The following HIBCH variants were observed in gnomAD, a reference collection of about 807,000 sequenced individuals.
HIBCH encodes 3-hydroxyisobutyryl-CoA hydrolase.
A neutral mutation model predicts 58.2 loss-of-function variants in HIBCH; 50 were observed. The ratio of observed to expected loss-of-function variants is 0.86; its 90% CI spans 0.68 to 1.09. HIBCH has a LOEUF of 1.09. Ranked by LOEUF, HIBCH falls within the 50% of genes least tolerant of loss-of-function variation. The pLI, the probability that HIBCH is intolerant of heterozygous loss-of-function variation, is 0.00. For synonymous variants in HIBCH, 151 were observed against 146.9 expected, an observed-to-expected ratio of 1.03 and a Z score of -0.20; for missense variants, 450 against 449.7, an observed-to-expected ratio of 1.00 and a Z score of -0.01.
chr2:190,195,454 TTC>T (rs1689924717), intron 1 of HIBCH, among the ~76,000 whole-genome samples: 2 of 152,134 alleles, frequency 1.3e-5, no homozygotes, highest in African/African-American at 4.8e-5. Context: ...TGAATGAGAG[TTC>T]TGTTGCTTTT....
rs568237644 is a variant in HIBCH at position 190,301,153 on chromosome 2, G to A, written c.79-4200C>T. Among the ~76,000 whole-genome samples the A allele has an allele frequency of 4.6e-5, 7 of 152,298 alleles. No homozygotes were observed. In the South Asian group the frequency reaches 1.2e-3, roughly 27 times the overall value. ...GAACCCAACCAGGCTAGGATGACTGGAGCCAGAGGTGCTGGCTCAGGAGGG... is the reference window on the plus strand; with the variant it reads ...GAACCCAACCAGGCTAGGATGACTGAAGCCAGAGGTGCTGGCTCAGGAGGG... On this transcript the variant is annotated intron_variant, in intron 2 of 13. Transcript: ENST00000359678.
chr2:190,230,449 C>T (rs1423837146), intron 11 of HIBCH, among the ~76,000 whole-genome samples: 1 of 152,232 alleles, frequency 6.6e-6, no homozygotes, highest in African/African-American at 2.4e-5. Flanking sequence ...GTAATCCCAG[C>T]ACTTTGGGAG....
rs1414666810 is a variant in HIBCH, at chr2:190,304,405, G to A, written c.78+6349C>T. Among the ~76,000 whole-genome samples, 1 of 152,182 alleles carries A rather than the reference G, an allele frequency of 6.6e-6. No individual in the cohort carries two copies. The highest frequency in any genetic ancestry group is 1.9e-4 in the East Asian group (1 of 5,198). ...GGGCATCATATGTCAAGGAAGCTAA[G>A]CATGCTAGCTCAGATCTCTCTTACT... On this transcript the variant is annotated intron_variant, in intron 2 of 13. Coordinates refer to ENST00000359678, the MANE Select transcript of HIBCH (RefSeq NM_014362.4). The surrounding 1 kb of genome is among the most constrained non-coding windows in gnomAD (Gnocchi z 4.1).
chr2:190,199,734 T>C (rs895883654), downstream of HIBCH: 2 of 1,495,638 alleles, frequency 1.3e-6, no homozygotes, highest in African/African-American at 2.8e-5. Flanking sequence ...AAGGGAACAT[T>C]GATTACTGAA....
chr2:190,268,074 T>C (rs1024107659), intron 6 of HIBCH, among the ~76,000 whole-genome samples: 3 of 152,242 alleles, frequency 2.0e-5, no homozygotes, highest in East Asian at 1.9e-4. Context: ...ATCAGACATA[T>C]GAGAAAAGAC....
rs1347160984 is a variant in HIBCH, at chr2:190,281,685, TCTG to T, written c.438+5898_438+5900del. Reference sequence around the variant, plus strand: ...CCAGGCTGAGAGTTTTCCAAATCTTTCTGCTTTCTTTCCCTTTTGATTATAAAT... The same window carrying T: ...CCAGGCTGAGAGTTTTCCAAATCTTTCTTTCTTTCCCTTTTGATTATAAAT... On this transcript the variant is annotated intron_variant, in intron 6 of 13. Coordinates refer to ENST00000359678, the MANE Select transcript of HIBCH (RefSeq NM_014362.4). This position sits in a 1 kb window ranked among gnomAD's most constrained non-coding sequence, Gnocchi z 5.4. 6.6e-6 allele frequency among the ~76,000 whole-genome samples: 1 copy of T among 152,210 alleles called. No homozygotes were observed. Among genetic ancestry groups the T allele is most frequent in the African/African-American group, 2.4e-5 (1 of 41,452 alleles).
chr2:190,228,592 T>C (rs921451046), intron 11 of HIBCH, among the ~76,000 whole-genome samples: 1 of 152,102 alleles, frequency 6.6e-6, no homozygotes, highest in African/African-American at 2.4e-5. Context: ...TCTAGAAAAT[T>C]TGATAAATTA....
chr2:190,251,428 C>A, intron 8 of HIBCH: 1 of 355,842 alleles, frequency 2.8e-6, no homozygotes, highest in Non-Finnish European at 5.8e-6. Flanking sequence ...CAGAGTGAAC[C>A]AAACCAGGTG....
intron 1 of HIBCH, among the ~76,000 whole-genome samples, chr2:190,319,311 CAG>C (rs1205266800): frequency 2.0e-5 from 3 of 152,236 alleles, no homozygotes; most frequent in African/African-American, 7.2e-5. Context: ...ACACCACGGG[CAG>C]AGAGAGGTGC....
At chr2:190,318,093 T>G (rs1688751336) in intron 1 of HIBCH, among the ~76,000 whole-genome samples, 1 of 152,094 alleles carries the variant, frequency 6.6e-6, no homozygotes, top group African/African-American at 2.4e-5. Context: ...CCCAAAGTGC[T>G]GGGATTACAG....
intron 8 of HIBCH, among the ~76,000 whole-genome samples, chr2:190,250,048 T>G (rs1193912857): frequency 6.6e-6 from 1 of 152,238 alleles, no homozygotes; most frequent in Non-Finnish European, 1.5e-5. Flanking sequence ...TTAACCAAAA[T>G]TGCCACAAAT....
rs757976755 is a variant in HIBCH at position 190,296,836 on chromosome 2, G to A, written c.196C>T (p.Arg66Trp). Reference protein sequence around the residue: ...FLNALTLNMIRQIYPQLKKWE... With the variant: ...FLNALTLNMIWQIYPQLKKWE... The stretch of plus-strand genomic sequence containing the variant: ...ACCTTTAGCTGTGGATAAATCTGCC[G>A]AATCATATTAAGAGTCAGTGCATTG... The change falls in exon 3 of 14, where the codon CGG (arginine) becomes TGG (tryptophan). Residue 66 changes from arginine to tryptophan, a missense_variant. Transcript: ENST00000359678. 5.6e-6 allele frequency: 9 copies of A among 1,613,840 alleles called. No homozygotes were observed. The highest frequency in any genetic ancestry group is 1.7e-5 in the Admixed American group (1 of 60,016).
chr2:190,219,578 G>C (rs1181268280), intron 11 of HIBCH, among the ~76,000 whole-genome samples: 4 of 152,256 alleles, frequency 2.6e-5, no homozygotes, highest in East Asian at 1.9e-4. Context: ...TCAAATACTT[G>C]AAGAGCCCCT....
chr2:190,276,437 A>G (rs1687553730), intron 6 of HIBCH, among the ~76,000 whole-genome samples: 1 of 151,950 alleles, frequency 6.6e-6, no homozygotes, highest in African/African-American at 2.4e-5. Context: ...TCCAAATCTC[A>G]TGTTGAAATT....
At chr2:190,190,197 A>AAGTT (rs1415660103) in intron 1 of HIBCH, among the ~76,000 whole-genome samples, 2 of 152,194 alleles carry the variant, frequency 1.3e-5, no homozygotes, top group African/African-American at 4.8e-5. Context: ...ATAGCCTAGA[A>AAGTT]AGTTATTTCA....
rs528145041 is a variant in HIBCH, at chr2:190,226,418, A to G, written c.892-13343T>C. ...CGAGACCAGCCTGACCAACATGGAG[A>G]AACACCATCTCTACTAAAAATACAA... On this transcript the variant is annotated intron_variant, in intron 11 of 13. Coordinates refer to ENST00000359678, the MANE Select transcript of HIBCH (RefSeq NM_014362.4). Among the ~76,000 whole-genome samples the G allele has an allele frequency of 1.2e-4, 19 of 152,238 alleles. No homozygotes were observed. In the South Asian group the frequency reaches 2.3e-3, roughly 18 times the overall value.
At position 190,231,647 on chromosome 2, in the gene HIBCH, T is replaced by A. The variant is rs76852752; in HGVS notation, c.891+13240A>T. Among the ~76,000 whole-genome samples, 71 of 152,048 alleles carry A rather than the reference T, an allele frequency of 4.7e-4. No homozygotes were observed. The East Asian group carries it at 0.014, about 29-fold the overall frequency. On this transcript the variant is annotated intron_variant, in intron 11 of 13. Transcript: ENST00000359678. Reference sequence around the variant, plus strand: ...TAAGACAAAGATAGCTATCATCACCTCTACTGAACATTTTGCTGGCAGTGC... The same window carrying A: ...TAAGACAAAGATAGCTATCATCACCACTACTGAACATTTTGCTGGCAGTGC...
intron 11 of HIBCH, among the ~76,000 whole-genome samples, chr2:190,231,107 T>TG (rs1312193115): frequency 1.3e-5 from 2 of 152,126 alleles, no homozygotes; most frequent in South Asian, 4.1e-4. Flanking sequence ...TGCAATCCAA[T>TG]GGGGAAGAAA....
rs191339395 is a variant in HIBCH at position 190,270,056 on chromosome 2, G to A, written c.439-8822C>T. On this transcript the variant is annotated intron_variant, in intron 6 of 13. Coordinates refer to ENST00000359678, the MANE Select transcript of HIBCH (RefSeq NM_014362.4). ...CACAGGGAGGGGAACATCACACACC[G>A]GGGCCTGTCGGGAGGTGAGGAGCAA... Among the ~76,000 whole-genome samples the A allele has an allele frequency of 1.7e-3, 255 of 152,136 alleles. 3 individuals carry two copies. The highest frequency in any genetic ancestry group is 5.8e-3 in the African/African-American group (240 of 41,496).
Sources: allele counts gnomAD v4.1 joint callset (sites outside exome capture counted in the v4.1 genomes callset), GRCh38; gene constraint gnomAD v4.1.1; non-coding constraint Gnocchi (gnomAD v3.1); transcripts MANE v1.5; gene names NCBI Gene and HGNC (gene_info 2026-07-23, HGNC 2026-07-21).